Variants in MICU1 observed in about 807,000 individuals in gnomAD.
The protein encoded by MICU1 is mitochondrial calcium uptake 1, also known as calcium uptake protein 1, mitochondrial.
In MICU1, 45 loss-of-function variants were observed where a neutral mutation model predicts 56.8. The observed-to-expected ratio is 0.79, with a 90% CI of 0.62 to 1.02. The LOEUF (loss-of-function observed/expected upper bound fraction) is 1.02, where lower values mean the gene tolerates loss of function less well. MICU1 is among the 50% of genes least tolerant of loss of function. The pLI, the probability that MICU1 is intolerant of heterozygous loss-of-function variation, is 0.00. For missense variants in MICU1, 504 were observed against 587.1 expected (o/e 0.86, Z 1.46); for synonymous variants, 186 against 195.1 (o/e 0.95, Z 0.39).
At chr10:72,602,565 T>A (rs112416535) in intron 1 of MICU1, among the ~76,000 whole-genome samples, 9 of 152,330 alleles carry the variant, frequency 5.9e-5, no homozygotes, top group African/African-American at 1.9e-4. Context: ...CTGTAAAGCT[T>A]TAACCTAAGA....
At chr10:72,569,143 C>T (rs904336117) in intron 1 of MICU1, among the ~76,000 whole-genome samples, 1 of 145,430 alleles carries the variant, frequency 6.9e-6, no homozygotes, top group African/African-American at 2.5e-5. Flanking sequence ...TATCTACATT[C>T]TAATTAAACA....
At chr10:72,514,739 G>A (rs1343531827) in intron 5 of MICU1, among the ~76,000 whole-genome samples, 3 of 152,302 alleles carry the variant, frequency 2.0e-5, no homozygotes, top group Non-Finnish European at 4.4e-5. Context: ...TTAGCCTTAA[G>A]ATTCCGGCTT....
intron 9 of MICU1, among the ~76,000 whole-genome samples, chr10:72,421,108 C>T (rs369266104): frequency 6.6e-6 from 1 of 151,664 alleles, no homozygotes; most frequent in East Asian, 1.9e-4. Flanking sequence ...CTTTGATTCT[C>T]CTGCCTCGGC....
intron 1 of MICU1, among the ~76,000 whole-genome samples, chr10:72,587,725 A>G (rs2132521022): frequency 6.6e-6 from 1 of 152,254 alleles, no homozygotes; most frequent in East Asian, 1.9e-4. Context: ...CGGAGGTTGC[A>G]GTGAGCTGAG....
At chr10:72,569,177 AACAAT>A (rs1198139328) in intron 1 of MICU1, among the ~76,000 whole-genome samples, 1 of 145,374 alleles carries the variant, frequency 6.9e-6, no homozygotes, top group Non-Finnish European at 1.5e-5. Flanking sequence ...ACACTTTTAA[AACAAT>A]ACATTTCTAA....
At position 72,423,343 on chromosome 10, in the gene MICU1, C is replaced by A. The variant is rs1446301420; in HGVS notation, c.962G>T (p.Arg321Ile). ...GCCACCAAACTGCCTCTCAGTAATT[C>A]TCCCATCCACAGGGTCATGGCGTTC... Reference protein sequence around the residue: ...EFERHDPVDGRITERQFGGML... With the variant: ...EFERHDPVDGIITERQFGGML... Residue 321 changes from arginine to isoleucine, a missense_variant, in exon 9 of 12, where the codon AGA becomes ATA. Arg to Ile is a moderately conservative substitution (Grantham distance 97). Coordinates refer to ENST00000361114, the MANE Select transcript of MICU1 (RefSeq NM_001195518.2). The A allele has an allele frequency of 6.2e-7, 1 of 1,613,914 alleles. No homozygotes were observed. The highest frequency in any genetic ancestry group is 1.1e-5 in the South Asian group (1 of 91,066).
At chr10:72,373,301 T>G (rs2132033239) in intron 11 of MICU1, among the ~76,000 whole-genome samples, 1 of 152,142 alleles carries the variant, frequency 6.6e-6, no homozygotes, top group East Asian at 1.9e-4. Context: ...CACCTCAGCT[T>G]TCCAGTAGCT....
intron 5 of MICU1, among the ~76,000 whole-genome samples, chr10:72,510,037 A>G (rs1370809693): frequency 1.3e-5 from 2 of 152,170 alleles, no homozygotes; most frequent in Non-Finnish European, 2.9e-5. Flanking sequence ...CTAATATTTA[A>G]TAATAATGAT....
intron 10 of MICU1, among the ~76,000 whole-genome samples, chr10:72,395,962 C>T (rs1410840795): frequency 6.6e-6 from 1 of 152,366 alleles, no homozygotes; most frequent in East Asian, 1.9e-4. Flanking sequence ...TGAGAACAGA[C>T]AGACTGCCTC....
At chr10:72,613,673 A>C (rs1841909643) in intron 1 of MICU1, among the ~76,000 whole-genome samples, 1 of 152,164 alleles carries the variant, frequency 6.6e-6, no homozygotes, top group Non-Finnish European at 1.5e-5. Flanking sequence ...ATTACCTAAT[A>C]TCTTCTAATA....
intron 6 of MICU1, among the ~76,000 whole-genome samples, chr10:72,490,043 T>C (rs1490090479): frequency 6.6e-6 from 1 of 152,208 alleles, no homozygotes; most frequent in Non-Finnish European, 1.5e-5. Flanking sequence ...CTTTAAGCCC[T>C]TGACTAAATG....
chr10:72,389,148 T>C (rs963164833), intron 10 of MICU1, among the ~76,000 whole-genome samples: 2 of 152,006 alleles, frequency 1.3e-5, no homozygotes, highest in African/African-American at 4.8e-5. Context: ...AGTTCAGGAG[T>C]GGGTGGCAGC....
chr10:72,395,467 G>C (rs1471147953), intron 10 of MICU1, among the ~76,000 whole-genome samples: 5 of 152,204 alleles, frequency 3.3e-5, no homozygotes, highest in African/African-American at 9.6e-5. Context: ...GTGAGTCGAA[G>C]CAGGGCGGGG....
At chr10:72,591,284 T>C (rs1362929371) in intron 1 of MICU1, among the ~76,000 whole-genome samples, 4 of 150,712 alleles carry the variant, frequency 2.7e-5, no homozygotes, top group African/African-American at 9.8e-5. Flanking sequence ...ACAAGAAAGA[T>C]CACAGCTGAA....
chr10:72,473,591 T>C (rs1251318141), intron 8 of MICU1, among the ~76,000 whole-genome samples: 1 of 152,094 alleles, frequency 6.6e-6, no homozygotes, highest in Non-Finnish European at 1.5e-5. Flanking sequence ...TCACTTAGAC[T>C]GGGACCATTT....
intron 10 of MICU1, among the ~76,000 whole-genome samples, chr10:72,407,219 T>G (rs1348191442): frequency 1.3e-5 from 2 of 152,210 alleles, no homozygotes. Context: ...GAAGTATACT[T>G]ACGTCTGCAA....
chr10:72,617,320 G>GT (rs1842006153), intron 1 of MICU1, among the ~76,000 whole-genome samples: 4 of 151,852 alleles, frequency 2.6e-5, no homozygotes, highest in Non-Finnish European at 4.4e-5. Flanking sequence ...TCTAACACCA[G>GT]TCCATACTCC....
intron 8 of MICU1, among the ~76,000 whole-genome samples, chr10:72,436,610 T>G (rs1864732151): frequency 6.6e-6 from 1 of 151,812 alleles, no homozygotes. Context: ...ATAACAAACT[T>G]CTCCAAGATA....
At chr10:72,485,014 CAG>C (rs893036837) in intron 6 of MICU1, among the ~76,000 whole-genome samples, 1 of 152,090 alleles carries the variant, frequency 6.6e-6, no homozygotes, top group African/African-American at 2.4e-5. Context: ...GTAGTTGTGA[CAG>C]AGACATTATC....
Sources: allele counts gnomAD v4.1 joint callset (sites outside exome capture counted in the v4.1 genomes callset), GRCh38; gene constraint gnomAD v4.1.1; transcripts MANE v1.5; gene names NCBI Gene and HGNC (gene_info 2026-07-23, HGNC 2026-07-21).